The following CNBD1 variants were observed in gnomAD, a reference collection of about 807,000 sequenced individuals.
CNBD1 encodes cyclic nucleotide-binding domain-containing protein 1.
Under a neutral mutation model 54.4 loss-of-function variants are expected in CNBD1, and 71 were observed. The observed-to-expected ratio is 1.30, with a 90% CI of 1.08 to 1.59. The LOEUF (loss-of-function observed/expected upper bound fraction) is 1.59, where lower values mean the gene tolerates loss of function less well. Ranked by LOEUF, CNBD1 falls within the 40% of genes most tolerant of loss-of-function variation. CNBD1 has a pLI of 0.00. For missense variants in CNBD1, 659 were observed against 518.0 expected, an observed-to-expected ratio of 1.27 and a Z score of -2.64; for synonymous variants, 182 against 170.7, an observed-to-expected ratio of 1.07 and a Z score of -0.51.
intron 4 of CNBD1, among the ~76,000 whole-genome samples, chr8:87,021,436 A>G (rs1809486968): frequency 1.3e-5 from 2 of 152,226 alleles, no homozygotes; most frequent in South Asian, 4.1e-4. Flanking sequence ...ATAAGATGCT[A>G]TTTGGGAGCA....
intron 2 of CNBD1, among the ~76,000 whole-genome samples, chr8:87,415,050 G>C (rs1352325266): frequency 6.6e-6 from 1 of 152,058 alleles, no homozygotes; most frequent in Non-Finnish European, 1.5e-5. Context: ...CATTTCTGCA[G>C]ATGGCAAGAA....
At chr8:86,888,585 A>G (rs1405443275) in intron 2 of CNBD1, among the ~76,000 whole-genome samples, 2 of 152,176 alleles carry the variant, frequency 1.3e-5, no homozygotes, top group African/African-American at 4.8e-5. Flanking sequence ...GGTTACTAGG[A>G]TGATTAAATG....
At chr8:86,995,524 G>A (rs1808851657) in intron 4 of CNBD1, among the ~76,000 whole-genome samples, 1 of 152,072 alleles carries the variant, frequency 6.6e-6, no homozygotes. Flanking sequence ...TCACAGAGTT[G>A]GAAATTCAGG....
chr8:87,189,665 G>A (rs1813557646), intron 4 of CNBD1, among the ~76,000 whole-genome samples: 1 of 152,110 alleles, frequency 6.6e-6, no homozygotes, highest in South Asian at 2.1e-4. Flanking sequence ...TGGTGTATAG[G>A]AATAGCAGAG....
chr8:87,367,392 G>A (rs1810663542), intron 10 of CNBD1, among the ~76,000 whole-genome samples: 3 of 152,052 alleles, frequency 2.0e-5, no homozygotes, highest in Non-Finnish European at 2.9e-5. Context: ...TGATGAAGAG[G>A]TATTTCTCAT....
At chr8:87,106,948 C>T (rs1273268756) in intron 4 of CNBD1, among the ~76,000 whole-genome samples, 1 of 152,058 alleles carries the variant, frequency 6.6e-6, no homozygotes, top group Non-Finnish European at 1.5e-5. Flanking sequence ...TCTGCCTCAA[C>T]CTCCCGAGTA....
At chr8:87,200,051 G>T (rs1034649095) in intron 4 of CNBD1, among the ~76,000 whole-genome samples, 5 of 151,692 alleles carry the variant, frequency 3.3e-5, no homozygotes, top group African/African-American at 1.2e-4. Context: ...CAATAAAATG[G>T]TTTTTAAAAT....
intron 6 of CNBD1, among the ~76,000 whole-genome samples, chr8:87,263,883 A>G (rs904685382): frequency 6.6e-6 from 1 of 152,180 alleles, no homozygotes; most frequent in Non-Finnish European, 1.5e-5. Flanking sequence ...ATCTAATACT[A>G]TAATTTTTAA....
chr8:87,005,052 AT>A (rs879551172), intron 4 of CNBD1, among the ~76,000 whole-genome samples: 2,672 of 146,310 alleles, frequency 0.018, 57 homozygotes, highest in African/African-American at 0.047. Flanking sequence ...ATACTTGAAG[AT>A]TTTTTTTTTT....
intron 4 of CNBD1, among the ~76,000 whole-genome samples, chr8:87,106,997 T>G (rs192730801): frequency 5.6e-4 from 85 of 151,944 alleles, no homozygotes; most frequent in African/African-American, 2.0e-3. Flanking sequence ...CCCGGCTAAT[T>G]TTTTGTATTT....
intron 4 of CNBD1, among the ~76,000 whole-genome samples, chr8:87,169,055 A>G (rs746568974): frequency 7.2e-5 from 11 of 151,984 alleles, no homozygotes; most frequent in Non-Finnish European, 1.2e-4. Flanking sequence ...TAACAGCATA[A>G]CAGGGTTCCC....
intron 4 of CNBD1, among the ~76,000 whole-genome samples, chr8:86,982,569 G>T (rs1469202673): frequency 6.6e-6 from 1 of 152,070 alleles, no homozygotes; most frequent in Non-Finnish European, 1.5e-5. Context: ...AATTATCTTT[G>T]TAAGTTTGTC....
intron 2 of CNBD1, among the ~76,000 whole-genome samples, chr8:87,395,377 AGG>A (rs1427330320): frequency 3.3e-5 from 5 of 152,046 alleles, no homozygotes; most frequent in Non-Finnish European, 7.4e-5. Context: ...AGAAGAGGGA[AGG>A]GAACAATATT....
chr8:86,929,646 C>T (rs768188797), intron 3 of CNBD1, among the ~76,000 whole-genome samples: 3 of 152,142 alleles, frequency 2.0e-5, no homozygotes, highest in South Asian at 2.1e-4. Context: ...TGCACACATG[C>T]GAATTTGAAG....
In CNBD1 at chr8:87,392,921, G is replaced by A. The variant is rs561424730; in HGVS notation, c.214-35625G>A. 2.6e-5 allele frequency among the ~76,000 whole-genome samples: 4 copies of A among 151,958 alleles called. No individual in the cohort carries two copies. The South Asian group carries it at 6.2e-4, about 24-fold the overall frequency. On this transcript the variant is annotated intron_variant, in intron 2 of 7. Coordinates refer to the CNBD1 transcript ENST00000521593. Reference sequence around the variant, plus strand: ...GAAGTCTTATTCTAGATGCATCAGGGTAAACAATGACATGGCTAGCATTTA... The same window carrying A: ...GAAGTCTTATTCTAGATGCATCAGGATAAACAATGACATGGCTAGCATTTA...
rs182379634 is a variant in CNBD1, at chr8:86,947,677, G to A, written c.431+7923G>A. 7.1e-4 allele frequency among the ~76,000 whole-genome samples: 108 copies of A among 152,146 alleles called. No homozygotes were observed. The Middle Eastern group carries it at 0.014, about 19-fold the overall frequency. ...TATATATTTATGGGGCACATGAGAT[G>A]TTTTGATACAGGCATACAATGAATA... is the stretch of plus-strand genomic sequence containing the variant. On this transcript the variant is annotated intron_variant, in intron 4 of 10. Coordinates refer to ENST00000518476, the MANE Select transcript of CNBD1 (RefSeq NM_173538.3).
At chr8:87,241,034 C>T (rs1423705196) in intron 6 of CNBD1, among the ~76,000 whole-genome samples, 1 of 152,084 alleles carries the variant, frequency 6.6e-6, no homozygotes, top group African/African-American at 2.4e-5. Context: ...TGTGTCCTCA[C>T]TCTGAGCCCA....
intron 4 of CNBD1, among the ~76,000 whole-genome samples, chr8:87,190,518 G>A (rs1466284218): frequency 6.6e-6 from 1 of 151,952 alleles, no homozygotes; most frequent in Non-Finnish European, 1.5e-5. Flanking sequence ...TTCGCTCCGA[G>A]TTCAATGTCT....
chr8:87,116,352 C>T (rs571269909), intron 4 of CNBD1, among the ~76,000 whole-genome samples: 8 of 151,848 alleles, frequency 5.3e-5, no homozygotes, highest in Non-Finnish European at 8.8e-5. Context: ...CAGGCATGCA[C>T]CACCACACCT....
Sources: allele counts gnomAD v4.1 joint callset (sites outside exome capture counted in the v4.1 genomes callset), GRCh38; gene constraint gnomAD v4.1.1; transcripts MANE v1.5; gene names NCBI Gene and HGNC (gene_info 2026-07-23, HGNC 2026-07-21).